The following ABHD2 variants were observed in gnomAD, a reference collection of about 807,000 sequenced individuals.
ABHD2 encodes the protein monoacylglycerol lipase ABHD2.
ABHD2 carries 20 observed loss-of-function variants against 48.1 expected under a neutral mutation model. The observed-to-expected ratio is 0.42, with a 90% CI of 0.29 to 0.60. The LOEUF (loss-of-function observed/expected upper bound fraction) is 0.60, where lower values mean the gene tolerates loss of function less well. Ranked by LOEUF, ABHD2 falls within the 20% of genes least tolerant of loss-of-function variation. The pLI, the probability that ABHD2 is intolerant of heterozygous loss-of-function variation, is 0.24. For missense variants in ABHD2, 405 were observed against 550.9 expected (o/e 0.74, Z 2.65); for synonymous variants, 209 against 214.2 (o/e 0.98, Z 0.21).
In ABHD2 at chr15:89,139,028, C is replaced by T. The variant is rs962694991; in HGVS notation, c.195-12649C>T. On this transcript the variant is annotated intron_variant, in intron 3 of 10. Transcript: ENST00000352732. ...CCCGGGAGATCAAGACCAGCCCTGGCGACATAGCAAGACCCTGTCTCTACA... is the reference window on the plus strand; with the variant it reads ...CCCGGGAGATCAAGACCAGCCCTGGTGACATAGCAAGACCCTGTCTCTACA... Among the ~76,000 whole-genome samples, 11 of 151,594 alleles carry T rather than the reference C, an allele frequency of 7.3e-5. No homozygotes were observed. In the South Asian group the frequency reaches 1.0e-3, roughly 14 times the overall value.
chr15:89,063,510 C>CCT, the ABHD2 span, among the ~76,000 whole-genome samples: 7 of 148,754 alleles, frequency 4.7e-5, no homozygotes, highest in Admixed American at 6.7e-5. Context: ...CTAATCTCTG[C>CCT]CTCTCTCTCT....
chr15:89,058,224 C>A, the ABHD2 span, among the ~76,000 whole-genome samples: 3 of 152,124 alleles, frequency 2.0e-5, no homozygotes, highest in African/African-American at 7.2e-5. Context: ...CCAGGTCCAC[C>A]CACCCACGCT....
rs2051389693 is a variant in ABHD2, at chr15:89,195,667, C to T, written c.*244C>T. 2 of 449,264 alleles carry T rather than the reference C, an allele frequency of 4.5e-6. No homozygotes were observed. The highest frequency in any genetic ancestry group is 7.9e-6 in the Non-Finnish European group (2 of 252,570). 27.8% of individuals were successfully genotyped at this position (449,264 alleles called of 1,614,324 possible). A position where few individuals can be genotyped will look rare whatever the true frequency, so the allele number is the denominator to read the frequency against. On this transcript the variant is annotated 3_prime_UTR_variant, in exon 11 of 11. Transcript: ENST00000352732. The surrounding 1 kb of genome is among the most constrained non-coding windows in gnomAD (Gnocchi z 5.1). ...AGGCATGGTGACAAGTGACAGAGTT[C>T]TTGCCCTCTGTCCAGTTTCAGCATC...
At chr15:89,042,890 G>C in the ABHD2 span, among the ~76,000 whole-genome samples, 1 of 151,726 alleles carries the variant, frequency 6.6e-6, no homozygotes, top group South Asian at 2.1e-4. Flanking sequence ...CTGGCCTCAA[G>C]CTCCTGGCCT....
At chr15:89,127,037 A>G (rs1262406606) in intron 3 of ABHD2, among the ~76,000 whole-genome samples, 1 of 152,196 alleles carries the variant, frequency 6.6e-6, no homozygotes, top group Non-Finnish European at 1.5e-5. Flanking sequence ...ATGAGATGCC[A>G]TTGCTGTTTG....
At chr15:89,113,001 G>C (rs2049899429) in intron 1 of ABHD2, among the ~76,000 whole-genome samples, 1 of 152,242 alleles carries the variant, frequency 6.6e-6, no homozygotes, top group Admixed American at 6.5e-5. Flanking sequence ...TTAGCACGTA[G>C]ATAGTGCTGC....
chr15:89,116,236 C>G lies in ABHD2; in HGVS notation c.-6-86C>G, dbSNP rs293395. 533,693 of 1,296,328 alleles carry G rather than the reference C, an allele frequency of 0.41. 113,324 individuals carry two copies. The highest frequency in any genetic ancestry group is 0.44 in the Non-Finnish European group (407,613 of 930,362). 80.3% of individuals were successfully genotyped at this position (1,296,328 alleles called of 1,614,324 possible). On this transcript the variant is annotated intron_variant, in intron 2 of 10. Transcript: ENST00000352732. The surrounding 1 kb of genome is among the most constrained non-coding windows in gnomAD (Gnocchi z 4.6). ...TGACACACCGTCACTGGCAGTATCT[C>G]TTAGCCCACCATGCGTCTGTAGGGT... is the stretch of plus-strand genomic sequence containing the variant.
the ABHD2 span, among the ~76,000 whole-genome samples, chr15:89,077,327 A>C: frequency 6.6e-6 from 1 of 152,218 alleles, no homozygotes; most frequent in Non-Finnish European, 1.5e-5. Context: ...GTTCATTCCC[A>C]ATGCTGCATA....
chr15:89,130,310 A>G (rs949205824), intron 3 of ABHD2, among the ~76,000 whole-genome samples: 2 of 152,186 alleles, frequency 1.3e-5, no homozygotes, highest in African/African-American at 4.8e-5. Flanking sequence ...CCAGGACCCC[A>G]GCTGATGGAG....
intron 3 of ABHD2, among the ~76,000 whole-genome samples, chr15:89,129,101 C>G (rs1260169628): frequency 2.0e-5 from 3 of 152,110 alleles, no homozygotes; most frequent in Non-Finnish European, 4.4e-5. Flanking sequence ...TGGGGCTTGT[C>G]CACAGGATGT....
In ABHD2 at chr15:89,106,764, A is replaced by G. The variant is rs1386414757; in HGVS notation, c.-106-6961A>G. ...ATGTTGCCCACATTTAAGGTTGACC[A>G]CTTTTATCTGGTGTAGCAAGTTCAA... On this transcript the variant is annotated intron_variant, in intron 1 of 10. Transcript: ENST00000352732. This position sits in a 1 kb window ranked among gnomAD's most constrained non-coding sequence, Gnocchi z 4.2. Among the ~76,000 whole-genome samples, 1 of 152,120 alleles carries G rather than the reference A, an allele frequency of 6.6e-6. No individual in the cohort carries two copies. The highest frequency in any genetic ancestry group is 1.9e-4 in the East Asian group (1 of 5,192).
the ABHD2 span, among the ~76,000 whole-genome samples, chr15:89,066,016 G>T: frequency 6.6e-6 from 1 of 152,110 alleles, no homozygotes; most frequent in Admixed American, 6.5e-5. Flanking sequence ...AGACATTAAC[G>T]AGTGAATGAT....
In ABHD2 at chr15:89,201,525, T is replaced by G. The variant is rs2051465332; in HGVS notation, c.*6102T>G. On this transcript the variant is annotated 3_prime_UTR_variant, in exon 11 of 11. Transcript: ENST00000352732. ...GAGCAAAAATTGTACCATAAACTTG[T>G]GTTTACTCTTTTCATTCGGATCATA... The G allele has an allele frequency of 6.3e-7, 1 of 1,594,400 alleles. No individual in the cohort carries two copies. Among genetic ancestry groups the G allele is most frequent in the Non-Finnish European group, 8.6e-7 (1 of 1,162,336 alleles).
the ABHD2 span, among the ~76,000 whole-genome samples, chr15:89,053,200 T>C: frequency 1.2e-4 from 18 of 152,056 alleles, no homozygotes; most frequent in Admixed American, 1.2e-3. Context: ...TCTCCTGACC[T>C]TGTGATCCGC....
chr15:89,041,064 T>C, the ABHD2 span, among the ~76,000 whole-genome samples: 1 of 152,314 alleles, frequency 6.6e-6, no homozygotes, highest in South Asian at 2.1e-4. Context: ...GGATGCTTCC[T>C]CCTGGGATGC....
At chr15:89,127,664 T>C (rs2050149783) in intron 3 of ABHD2, among the ~76,000 whole-genome samples, 1 of 148,822 alleles carries the variant, frequency 6.7e-6, no homozygotes, top group South Asian at 2.1e-4. Flanking sequence ...TTCCTTGGGA[T>C]TTGAATAAAG....
At chr15:89,127,790 C>T (rs1260166132) in intron 3 of ABHD2, among the ~76,000 whole-genome samples, 1 of 149,214 alleles carries the variant, frequency 6.7e-6, no homozygotes, top group Admixed American at 6.7e-5. Context: ...CCTGCTCTTC[C>T]AGTCTGTTCA....
chr15:89,171,658 A>G (rs1003779961), intron 5 of ABHD2, among the ~76,000 whole-genome samples: 2 of 152,202 alleles, frequency 1.3e-5, no homozygotes, highest in African/African-American at 4.8e-5. Context: ...CGAAAGGCTA[A>G]GCAGCGCCCC....
rs968843449 is a variant in ABHD2, at chr15:89,199,499, A to G, written c.*4076A>G. ...ACGATATTGCGGCATTAGAATTCCA[A>G]CTCTTCTGCTGTGGAAGTTTGAAGC... On this transcript the variant is annotated 3_prime_UTR_variant, in exon 11 of 11. Transcript: ENST00000352732. The surrounding 1 kb of genome is among the most constrained non-coding windows in gnomAD (Gnocchi z 4.1). 5 of 152,570 alleles carry G rather than the reference A, an allele frequency of 3.3e-5. No homozygotes were observed. Among genetic ancestry groups the G allele is most frequent in the African/African-American group, 1.2e-4 (5 of 41,426 alleles). 9.5% of individuals were successfully genotyped at this position (152,570 alleles called of 1,614,324 possible).
Sources: gnomAD v4.1 joint callset for allele counts (sites outside exome capture counted in the v4.1 genomes callset) on GRCh38, gnomAD v4.1.1 for gene constraint, Gnocchi (gnomAD v3.1) non-coding constraint, MANE v1.5 for transcripts, NCBI Gene and HGNC (gene_info 2026-07-23, HGNC 2026-07-21) for gene names.